The following NLRP4 variants were observed in gnomAD, a reference collection of about 807,000 sequenced individuals.
The protein encoded by NLRP4 is NLR family pyrin domain containing 4.
NLRP4 carries 44 observed loss-of-function variants against 84.7 expected under a neutral mutation model. The observed-to-expected ratio is 0.52, with a 90% confidence interval of 0.41 to 0.67. The LOEUF is 0.67. Ranked by LOEUF, NLRP4 falls within the 30% of genes least tolerant of loss-of-function variation. The pLI, the probability that NLRP4 is intolerant of heterozygous loss-of-function variation, is 0.00. For synonymous variants in NLRP4, 544 were observed against 476.4 expected (o/e 1.14, Z -1.85); for missense variants, 1,260 against 1,219.4 (o/e 1.03, Z -0.50).
At chr19:55,859,400 A>G (rs769405550) in intron 3 of NLRP4, 151 bp downstream of exon 3, 1 of 617,592 alleles carries the variant, frequency 1.6e-6, no homozygotes, top group South Asian at 2.4e-5. Flanking sequence ...CCAACATTTT[A>G]GGAGCTCTTA....
At chr19:55,856,748 T>A (rs1018963283) in intron 2 of NLRP4, among the ~76,000 whole-genome samples, 1 of 152,056 alleles carries the variant, frequency 6.6e-6, no homozygotes, top group African/African-American at 2.4e-5. Context: ...TCTCTTGACT[T>A]CATGATCTGC....
Position 55,861,447 on chromosome 19 carries a change from C to A in NLRP4, c.1918C>A (p.Leu640Ile). 6.2e-7 allele frequency: 1 copy of A among 1,614,164 alleles called. No homozygotes were observed. Among genetic ancestry groups the A allele is most frequent in the Non-Finnish European group, 8.5e-7 (1 of 1,179,982 alleles). Residue 640 changes from leucine (L) to isoleucine (I), a missense_variant, in exon 4 of 10, where the codon CTC becomes ATC. Coordinates refer to ENST00000301295, the MANE Select transcript of NLRP4 (RefSeq NM_134444.5). ...ICSVLTTSGH[L>I]RELQVQDSTL... is the part of the protein sequence containing the mutation. Reference sequence around the variant, plus strand: ...CTCTGTGCTCACCACCAGCGGGCACCTCAGAGAGCTCCAGGTGCAGGACAG... The same window carrying A: ...CTCTGTGCTCACCACCAGCGGGCACATCAGAGAGCTCCAGGTGCAGGACAG...
Position 55,862,111 on chromosome 19 carries a change from C to T in NLRP4, c.2138C>T (p.Ser713Phe), listed in dbSNP as rs1984782957. The T allele has an allele frequency of 1.2e-6, 2 of 1,613,800 alleles. No homozygotes were observed. The highest frequency in any genetic ancestry group is 1.7e-6 in the Non-Finnish European group (2 of 1,179,658). ...AAACTCTCTCGTGATGACATCAGGT[C>T]CCTCTGTGATGCCTTGAACTACCCA... ...LTKLSRDDIR[S>F]LCDALNYPAG... The change falls in exon 5 of 10, where the codon TCC becomes TTC. Residue 713 changes from serine to phenylalanine, a missense_variant. Ser to Phe is a radical substitution (Grantham distance 155). Around this residue, in one of 3 missense-constraint regions of NLRP4, gnomAD observed 544 missense variants for 531.7 expected, o/e 1.02. Coordinates refer to ENST00000301295, the MANE Select transcript of NLRP4 (RefSeq NM_134444.5).
At chr19:55,880,978 A>G (rs78143570) in intron 9 of NLRP4, among the ~76,000 whole-genome samples, 6,115 of 152,278 alleles carry the variant, frequency 0.04, 207 homozygotes, top group Non-Finnish European at 0.056. Context: ...ATCTTTGAAA[A>G]AGTAAAAATA....
intron 6 of NLRP4, among the ~76,000 whole-genome samples, 190 bp from the exon 7 acceptor site, chr19:55,870,637 C>T (rs748372385): frequency 2.6e-5 from 4 of 152,228 alleles, no homozygotes; most frequent in East Asian, 1.9e-4. Context: ...CATTCCAGCC[C>T]GGGCGACGAC....
chr19:55,876,858 A>G (rs1985392576), intron 7 of NLRP4, 138 bp from the exon 8 acceptor site: 5 of 623,374 alleles, frequency 8.0e-6, no homozygotes, highest in Admixed American at 2.5e-5. Flanking sequence ...ATCTGCCACT[A>G]GTTGAATCTG....
At chr19:55,863,120 C>G (rs972476554) in intron 5 of NLRP4, among the ~76,000 whole-genome samples, 1 of 152,152 alleles carries the variant, frequency 6.6e-6, no homozygotes, top group East Asian at 1.9e-4. Context: ...TGGTTACATG[C>G]TCCTGTTCCA....
intron 2 of NLRP4, among the ~76,000 whole-genome samples, chr19:55,853,956 T>C (rs530723860): frequency 1.9e-4 from 28 of 149,830 alleles, no homozygotes; most frequent in Non-Finnish European, 3.5e-4. Flanking sequence ...TCTTTCTCTC[T>C]ATTTCTCTCT....
At chr19:55,877,285 T>C in intron 8 of NLRP4, 119 bp downstream of exon 8, 1 of 916,878 alleles carries the variant, frequency 1.1e-6, no homozygotes, top group Non-Finnish European at 1.7e-6. Flanking sequence ...TGTGGTTGCA[T>C]CATGAACCAG....
chr19:55,869,381 AC>A (rs745508545), intron 6 of NLRP4, among the ~76,000 whole-genome samples: 5 of 79,730 alleles, frequency 6.3e-5, no homozygotes, highest in East Asian at 6.4e-4. Context: ...CAAAAAATAA[AC>A]CAAAAAAAAA....
At chr19:55,837,607 A>AACAC (rs145535303) in intron 1 of NLRP4, among the ~76,000 whole-genome samples, 2 of 151,468 alleles carry the variant, frequency 1.3e-5, no homozygotes, top group African/African-American at 4.9e-5. Context: ...CAACCCTAAA[A>AACAC]ACACACACAC....
chr19:55,864,002 A>G, intron 5 of NLRP4, among the ~76,000 whole-genome samples: 1 of 152,154 alleles, frequency 6.6e-6, no homozygotes, highest in East Asian at 1.9e-4. Context: ...CCCTTTTTTA[A>G]AAAATAACAA....
At chr19:55,865,643 T>C (rs1984925857) in intron 5 of NLRP4, among the ~76,000 whole-genome samples, 1 of 152,232 alleles carries the variant, frequency 6.6e-6, no homozygotes, top group South Asian at 2.1e-4. Context: ...CTTGACTTTT[T>C]TTAATAATAG....
chr19:55,842,872 G>A (rs1983663407), intron 1 of NLRP4, among the ~76,000 whole-genome samples: 1 of 151,926 alleles, frequency 6.6e-6, no homozygotes. Flanking sequence ...CCGTTCTCCT[G>A]CCTCAGCCTC....
chr19:55,849,974 G>GCTGTGGTGTGATTTCCGAGA (rs1568658247), intron 1 of NLRP4, among the ~76,000 whole-genome samples: 4 of 107,524 alleles, frequency 3.7e-5, no homozygotes, highest in African/African-American at 1.1e-4. Context: ...AATTTCCGTA[G>GCTGTGGTGTGATTTCCGAGA]CTGCGGTGTA....
In NLRP4 at chr19:55,875,719, C is replaced by T. The variant is rs144276998; in HGVS notation, c.2526-1277C>T. On this transcript the variant is annotated intron_variant, in intron 7 of 9. Transcript: ENST00000301295. ...GGAACTTGCAAGAGGCCAAGAATACCTAAGAAACACCTAAAATATAAAAAG... is the reference window on the plus strand; with the variant it reads ...GGAACTTGCAAGAGGCCAAGAATACTTAAGAAACACCTAAAATATAAAAAG... Among the ~76,000 whole-genome samples the T allele has an allele frequency of 1.4e-4, 22 of 151,940 alleles. No individual in the cohort carries two copies. The East Asian group carries it at 4.3e-3, about 29-fold the overall frequency.
chr19:55,863,148 G>A (rs910280221), intron 5 of NLRP4, among the ~76,000 whole-genome samples: 4 of 152,124 alleles, frequency 2.6e-5, no homozygotes, highest in African/African-American at 9.7e-5. Context: ...GAACACTCTC[G>A]GTCGTATGCA....
In NLRP4 at chr19:55,862,103, C is replaced by T; in HGVS notation, c.2130C>T (p.Asp710=). The T allele has an allele frequency of 2.5e-6, 4 of 1,613,504 alleles. No individual in the cohort carries two copies. The highest frequency in any genetic ancestry group is 3.4e-6 in the Non-Finnish European group (4 of 1,179,390). Residue 710 remains aspartate (D), a synonymous_variant, in exon 5 of 10, where the codon GAC becomes GAT. Coordinates refer to ENST00000301295, the MANE Select transcript of NLRP4 (RefSeq NM_134444.5). Reference sequence around the variant, plus strand: ...CCCTCACGAAACTCTCTCGTGATGACATCAGGTCCCTCTGTGATGCCTTGA... The same window carrying T: ...CCCTCACGAAACTCTCTCGTGATGATATCAGGTCCCTCTGTGATGCCTTGA... The part of the protein sequence containing the change: ...SFTLTKLSRD[D]IRSLCDALNY...
In NLRP4 at chr19:55,852,481, T is replaced by C; in HGVS notation, c.280+121T>C. The C allele has an allele frequency of 8.1e-6, 5 of 617,644 alleles. No homozygotes were observed. The South Asian group carries it at 1.2e-4, about 15-fold the overall frequency. 38.3% of individuals were successfully genotyped at this position (617,644 alleles called of 1,614,324 possible). ...GTGCTATGGGAAAATATTAGGTTTT[T>C]TTTTTTTTTTTTTTGGTAGACGGAG... On this transcript the variant is annotated intron_variant, in intron 2 of 9. Transcript: ENST00000301295.
Sources: gnomAD v4.1 joint callset for allele counts (sites outside exome capture counted in the v4.1 genomes callset) on GRCh38, gnomAD v4.1.1 for gene constraint, gnomAD v4.1.1 regional missense constraint, MANE v1.5 for transcripts, NCBI Gene and HGNC (gene_info 2026-07-23, HGNC 2026-07-21) for gene names.